Variants in MARCHF1 observed in about 807,000 individuals in gnomAD.
The protein encoded by MARCHF1 is E3 ubiquitin-protein ligase MARCHF1.
In MARCHF1, 40 loss-of-function variants were observed where a neutral mutation model predicts 54.2. The ratio of observed to expected loss-of-function variants is 0.74; its 90% confidence interval spans 0.57 to 0.96. The LOEUF (loss-of-function observed/expected upper bound fraction) is 0.96, where lower values mean the gene tolerates loss of function less well. MARCHF1 is among the 40% of genes least tolerant of loss of function. The pLI, the probability that MARCHF1 is intolerant of heterozygous loss-of-function variation, is 0.00. For missense variants in MARCHF1, 586 were observed against 656.5 expected, an observed-to-expected ratio of 0.89 and a Z score of 1.17; for synonymous variants, 236 against 236.3, an observed-to-expected ratio of 1.00 and a Z score of 0.01.
intron 3 of MARCHF1, among the ~76,000 whole-genome samples, chr4:163,895,120 G>A (rs558599269): frequency 2.1e-3 from 317 of 152,152 alleles, no homozygotes; most frequent in Admixed American, 5.4e-3. Context: ...CGCATGAGTC[G>A]ATTTCTACAA....
chr4:163,720,216 G>A (rs1283366064), intron 4 of MARCHF1, among the ~76,000 whole-genome samples: 1 of 152,210 alleles, frequency 6.6e-6, no homozygotes, highest in African/African-American at 2.4e-5. Context: ...AAGACGTAAG[G>A]AAGGGATCCA....
chr4:163,965,591 T>C (rs1752426956), intron 3 of MARCHF1, among the ~76,000 whole-genome samples: 1 of 152,070 alleles, frequency 6.6e-6, no homozygotes, highest in African/African-American at 2.4e-5. Flanking sequence ...CCCAGACTTA[T>C]CTCTGTCTTG....
chr4:163,580,888 C>T lies in MARCHF1; in HGVS notation c.1191+4861G>A, dbSNP rs1316709304. On this transcript the variant is annotated intron_variant, in intron 8 of 9. Transcript: ENST00000514618. ...CGCAATCTCGGCTCACTGCAAGCTC[C>T]GCTTCCCGGGTTCACGCCATTCTCC... Among the ~76,000 whole-genome samples the T allele has an allele frequency of 8.8e-5, 4 of 45,386 alleles. 1 individual carries two copies. The highest frequency in any genetic ancestry group is 2.7e-4 in the African/African-American group (3 of 11,122). 29.8% of individuals were successfully genotyped at this position (45,386 alleles called of 152,430 possible). A position where few individuals can be genotyped will look rare whatever the true frequency, so the allele number is the denominator to read the frequency against.
At chr4:164,270,332 C>T (rs1434727152) in intron 1 of MARCHF1, among the ~76,000 whole-genome samples, 2 of 152,144 alleles carry the variant, frequency 1.3e-5, no homozygotes, top group African/African-American at 4.8e-5. Context: ...CTTTCCTGCC[C>T]ACCCTATTTA....
intron 1 of MARCHF1, among the ~76,000 whole-genome samples, chr4:164,159,811 C>T (rs1730181822): frequency 6.6e-6 from 1 of 152,172 alleles, no homozygotes; most frequent in African/African-American, 2.4e-5. Flanking sequence ...TTAGACTCAG[C>T]ATTGGAGCTA....
chr4:163,986,123 A>G (rs1752856877), intron 3 of MARCHF1, among the ~76,000 whole-genome samples: 1 of 151,890 alleles, frequency 6.6e-6, no homozygotes, highest in South Asian at 2.1e-4. Flanking sequence ...ACTACATCCT[A>G]TAGAAAACCA....
chr4:164,168,343 C>T (rs1730433930), intron 1 of MARCHF1, among the ~76,000 whole-genome samples: 1 of 152,028 alleles, frequency 6.6e-6, no homozygotes, highest in South Asian at 2.1e-4. Flanking sequence ...ATTGGTACAG[C>T]CATTAATTAA....
intron 5 of MARCHF1, among the ~76,000 whole-genome samples, chr4:163,648,629 A>AC (rs1424072302): frequency 6.9e-6 from 1 of 145,790 alleles, no homozygotes; most frequent in Non-Finnish European, 1.5e-5. Flanking sequence ...AAAAAAAAAA[A>AC]CTAGAGAGGA....
At chr4:164,200,213 T>C (rs142783103) in intron 1 of MARCHF1, among the ~76,000 whole-genome samples, 86 of 152,348 alleles carry the variant, frequency 5.6e-4, no homozygotes, top group African/African-American at 2.0e-3. Flanking sequence ...CTTGTTCATC[T>C]TACAATTTGG....
intron 4 of MARCHF1, among the ~76,000 whole-genome samples, chr4:163,767,641 C>T (rs2110853796): frequency 6.6e-6 from 1 of 152,188 alleles, no homozygotes; most frequent in East Asian, 1.9e-4. Flanking sequence ...GCCAATATTG[C>T]CATTTTTGAC....
chr4:164,194,173 C>CA (rs759484273), intron 1 of MARCHF1, among the ~76,000 whole-genome samples: 2 of 152,180 alleles, frequency 1.3e-5, no homozygotes, highest in Non-Finnish European at 2.9e-5. Flanking sequence ...CTACATTACA[C>CA]ACAAGCTCCA....
intron 1 of MARCHF1, among the ~76,000 whole-genome samples, chr4:164,167,839 A>T (rs1594444): frequency 0.83 from 126,416 of 151,854 alleles, 53,162 homozygotes; most frequent in Non-Finnish European, 0.89. Flanking sequence ...AACATAGAAG[A>T]GCTTCTTGAC....
At chr4:164,103,598 TGGGAC>T (rs2111164192) in intron 2 of MARCHF1, among the ~76,000 whole-genome samples, 1 of 25,974 alleles carries the variant, frequency 3.9e-5, no homozygotes, top group East Asian at 4.0e-4. Flanking sequence ...CCAGAATCTC[TGGGAC>T]GCATTCAAAG....
At chr4:164,184,447 A>G (rs1012099490) in intron 1 of MARCHF1, among the ~76,000 whole-genome samples, 1 of 152,198 alleles carries the variant, frequency 6.6e-6, no homozygotes, top group Non-Finnish European at 1.5e-5. Context: ...TCTTTCTACC[A>G]AAAGAGTTAC....
At chr4:163,752,105 G>C (rs1746537965) in intron 4 of MARCHF1, among the ~76,000 whole-genome samples, 1 of 152,162 alleles carries the variant, frequency 6.6e-6, no homozygotes, top group African/African-American at 2.4e-5. Flanking sequence ...TTTCTGTGAA[G>C]ACGGCTGTAA....
intron 1 of MARCHF1, among the ~76,000 whole-genome samples, chr4:164,302,399 TAGTA>T (rs1437030377): frequency 6.6e-6 from 1 of 152,154 alleles, no homozygotes; most frequent in East Asian, 1.9e-4. Context: ...AAATATAATT[TAGTA>T]GTTTAAAAAT....
intron 5 of MARCHF1, among the ~76,000 whole-genome samples, chr4:163,632,451 G>A (rs910022579): frequency 6.6e-6 from 1 of 152,170 alleles, no homozygotes; most frequent in African/African-American, 2.4e-5. Flanking sequence ...AAGGGGTCAG[G>A]GAGTTCCCTT....
chr4:163,573,145 C>A (rs1579074425), intron 8 of MARCHF1, among the ~76,000 whole-genome samples: 1 of 151,954 alleles, frequency 6.6e-6, no homozygotes, highest in African/African-American at 2.4e-5. Context: ...TATTTTGCTA[C>A]ACTGATTTTG....
In MARCHF1 at chr4:164,193,989, T is replaced by G. The variant is rs114043101; in HGVS notation, c.-322-82327A>C. The stretch of plus-strand genomic sequence containing the variant: ...TAGTCTAAAACTCATTTTAAAGGTC[T>G]TGATGACTATGGTTCAAGATTAGGA... On this transcript the variant is annotated intron_variant, in intron 1 of 9. Coordinates refer to ENST00000514618, the MANE Select transcript of MARCHF1 (RefSeq NM_001394959.1). Among the ~76,000 whole-genome samples, 926 of 151,496 alleles carry G rather than the reference T, an allele frequency of 6.1e-3. 6 individuals carry two copies. The highest frequency in any genetic ancestry group is 0.021 in the African/African-American group (870 of 41,026).
Sources: allele counts gnomAD v4.1 joint callset (sites outside exome capture counted in the v4.1 genomes callset), GRCh38; gene constraint gnomAD v4.1.1; transcripts MANE v1.5; gene names NCBI Gene and HGNC (gene_info 2026-07-23, HGNC 2026-07-21).